Variants in EXOC7 observed in about 807,000 individuals in gnomAD.
EXOC7 encodes the protein exocyst complex component 7.
EXOC7 carries 51 observed loss-of-function variants against 87.6 expected under a neutral mutation model. The observed-to-expected ratio is 0.58, with a 90% confidence interval of 0.46 to 0.73. EXOC7 has a LOEUF of 0.73. Ranked by LOEUF, EXOC7 falls within the 30% of genes least tolerant of loss-of-function variation. The probability of loss-of-function intolerance (pLI) is 0.00; values close to 1 mark genes in which losing one functional copy is unlikely to be tolerated. For missense variants in EXOC7, 744 were observed against 888.4 expected, an observed-to-expected ratio of 0.84 and a Z score of 2.07; for synonymous variants, 327 against 357.1, an observed-to-expected ratio of 0.92 and a Z score of 0.95.
Position 76,085,594 on chromosome 17 carries a change from G to A in EXOC7, c.1616+83C>T, listed in dbSNP as rs549729409. On this transcript the variant is annotated intron_variant, in intron 14 of 18. Coordinates refer to ENST00000589210, the MANE Select transcript of EXOC7 (RefSeq NM_001013839.4). ...CCTCCCCTCTCGTCCACAAGAGAAGGAGCCCAGGGGGGCAGGGGCTGGCAC... is the reference window on the plus strand; with the variant it reads ...CCTCCCCTCTCGTCCACAAGAGAAGAAGCCCAGGGGGGCAGGGGCTGGCAC... 3 of 1,600,246 alleles carry A rather than the reference G, an allele frequency of 1.9e-6. No individual in the cohort carries two copies. The Admixed American group carries it at 5.1e-5, about 27-fold the overall frequency.
In EXOC7 at chr17:76,083,586, C is replaced by T; in HGVS notation, c.*62G>A. 1 of 1,544,196 alleles carries T rather than the reference C, an allele frequency of 6.5e-7. No homozygotes were observed. The highest frequency in any genetic ancestry group is 9.0e-7 in the Non-Finnish European group (1 of 1,117,186). On this transcript the variant is annotated 3_prime_UTR_variant, in exon 19 of 19. Transcript: ENST00000589210. Reference sequence around the variant, plus strand: ...CTCACCCAGCCCAGAGGCAAGCTAACACTGGTTTATCTGTCCAATGACACG... The same window carrying T: ...CTCACCCAGCCCAGAGGCAAGCTAATACTGGTTTATCTGTCCAATGACACG...
intron 4 of EXOC7, among the ~76,000 whole-genome samples, chr17:76,098,632 C>T (rs1053610242): frequency 4.0e-5 from 6 of 151,224 alleles, no homozygotes; most frequent in Admixed American, 6.6e-5. Context: ...GAGGCCGAGG[C>T]GGGCAGATCA....
chr17:76,083,578 C>G lies in EXOC7; in HGVS notation c.*70G>C. On this transcript the variant is annotated 3_prime_UTR_variant, in exon 19 of 19. Transcript: ENST00000589210. ...ACTTCAAGCTCACCCAGCCCAGAGGCAAGCTAACACTGGTTTATCTGTCCA... is the reference window on the plus strand; with the variant it reads ...ACTTCAAGCTCACCCAGCCCAGAGGGAAGCTAACACTGGTTTATCTGTCCA... 3.3e-6 allele frequency: 5 copies of G among 1,506,150 alleles called. No individual in the cohort carries two copies. Among genetic ancestry groups the G allele is most frequent in the Non-Finnish European group, 2.8e-6 (3 of 1,083,202 alleles). 93.3% of individuals were successfully genotyped at this position (1,506,150 alleles called of 1,614,324 possible).
rs1184585328 is a variant in EXOC7 at position 76,085,810 on chromosome 17, A to T, written c.1496-13T>A. 1.2e-6 allele frequency: 2 copies of T among 1,608,992 alleles called. No homozygotes were observed. Among genetic ancestry groups the T allele is most frequent in the South Asian group, 1.1e-5 (1 of 90,656 alleles). On this transcript the variant is annotated splice_polypyrimidine_tract_variant and intron_variant, in intron 13 of 18. Coordinates refer to ENST00000589210, the MANE Select transcript of EXOC7 (RefSeq NM_001013839.4). Reference sequence around the variant, plus strand: ...CCCAGCACTTTACCTGCACAGGGAAAAATGGGGCCACACCCACCATGGCAG... The same window carrying T: ...CCCAGCACTTTACCTGCACAGGGAATAATGGGGCCACACCCACCATGGCAG...
chr17:76,081,120 T>C lies in EXOC7; in HGVS notation c.*2528A>G. The C allele has an allele frequency of 1.0e-6, 1 of 990,350 alleles. No homozygotes were observed. Among genetic ancestry groups the C allele is most frequent in the Non-Finnish European group, 1.5e-6 (1 of 666,430 alleles). The allele number at this position is 990,350 out of a possible 1,614,324, so 61.3% of individuals were successfully genotyped here. On this transcript the variant is annotated 3_prime_UTR_variant, in exon 19 of 19. Transcript: ENST00000589210. Reference sequence around the variant, plus strand: ...CAATTTGGGATGTTGCAAAACAAGGTTTGGGAAGCCCTTCTATGGATCGGT... The same window carrying C: ...CAATTTGGGATGTTGCAAAACAAGGCTTGGGAAGCCCTTCTATGGATCGGT...
At chr17:76,086,644 G>A (rs1244428267) in intron 12 of EXOC7, among the ~76,000 whole-genome samples, 2 of 152,174 alleles carry the variant, frequency 1.3e-5, no homozygotes, top group Non-Finnish European at 2.9e-5. Context: ...CCTAGGGGGT[G>A]TATCCAGGGC....
intron 18 of EXOC7, 40 bp from the exon 19 acceptor site, chr17:76,083,790 C>T: frequency 6.3e-7 from 1 of 1,591,404 alleles, no homozygotes; most frequent in Non-Finnish European, 8.6e-7. Context: ...GAGGGCCGAC[C>T]CCTCCCCAGC....
At chr17:76,085,072 T>C in intron 15 of EXOC7, 2 of 557,116 alleles carry the variant, frequency 3.6e-6, no homozygotes, top group South Asian at 4.5e-5. Flanking sequence ...TCAATCATTC[T>C]TAGCCTTGAC....
rs865812145 is a variant in EXOC7, at chr17:76,089,216, G to C, written c.1006C>G (p.Pro336Ala). The C allele has an allele frequency of 6.2e-7, 1 of 1,613,906 alleles. No individual in the cohort carries two copies. Among genetic ancestry groups the C allele is most frequent in the African/African-American group, 1.3e-5 (1 of 74,914 alleles). ...AAGGTCTTCTTCTGGTGGTGCTCGG[G>C]GATGATGTCGGCCAGCAGCTGGTAC... ...SEYQLLADII[P>A]EHHQKKTFDS... Residue 336 changes from proline (P) to alanine (A), a missense_variant, in exon 8 of 19, where the codon CCC becomes GCC. Physicochemically the swap from Pro to Ala is conservative, Grantham distance 27. Around this residue, in one of 3 missense-constraint regions of EXOC7, gnomAD observed 512 missense variants for 573.0 expected, o/e 0.89. Coordinates refer to ENST00000589210, the MANE Select transcript of EXOC7 (RefSeq NM_001013839.4).
rs996179539 is a variant in EXOC7 at position 76,086,005 on chromosome 17, G to A, written c.1495+75C>T. 2.6e-6 allele frequency: 4 copies of A among 1,568,536 alleles called. No homozygotes were observed. In the African/African-American group the frequency reaches 4.0e-5, roughly 16 times the overall value. On this transcript the variant is annotated intron_variant, in intron 13 of 18. Transcript: ENST00000589210. ...GGAGAGGGCCCTGGGAATAGCCAGA[G>A]AGCACAGACAGAAGGAAGGGAAAGG...
At chr17:76,086,984 GCATGT>G in intron 12 of EXOC7, 1 of 1,163,324 alleles carries the variant, frequency 8.6e-7, no homozygotes. Context: ...GTTAGAAACG[GCATGT>G]CAACCCGAAT....
At chr17:76,089,664 C>T in intron 7 of EXOC7, 1 of 312,080 alleles carries the variant, frequency 3.2e-6, no homozygotes, top group South Asian at 3.9e-5. Flanking sequence ...ACTGAGCATT[C>T]TGAGTTGTAC....
intron 4 of EXOC7, among the ~76,000 whole-genome samples, chr17:76,100,425 G>A (rs1479085866): frequency 6.6e-6 from 1 of 151,428 alleles, no homozygotes; most frequent in Non-Finnish European, 1.5e-5. Flanking sequence ...TCAGAAGTTT[G>A]TGACCAAACT....
chr17:76,090,302 G>C, intron 7 of EXOC7: 1 of 1,547,796 alleles, frequency 6.5e-7, no homozygotes. Context: ...GTCAGCGGCT[G>C]CCCTCGGGCT....
At chr17:76,098,048 C>A in intron 4 of EXOC7, 30 bp from the exon 5 acceptor site, 1 of 1,597,908 alleles carries the variant, frequency 6.3e-7, no homozygotes, top group African/African-American at 1.3e-5. Context: ...AAGCAGGTGC[C>A]TGCTGCTTCA....
intron 7 of EXOC7, among the ~76,000 whole-genome samples, chr17:76,089,997 T>C (rs1008363827): frequency 2.0e-5 from 3 of 152,194 alleles, no homozygotes; most frequent in African/African-American, 2.4e-5. Flanking sequence ...TGCCAAGGGA[T>C]GGGCTCCGAG....
chr17:76,084,366 C>A (rs757412797), intron 16 of EXOC7, 77 bp from the exon 17 acceptor site: 5 of 1,601,460 alleles, frequency 3.1e-6, no homozygotes, highest in Non-Finnish European at 4.3e-6. Flanking sequence ...CCCAAACACC[C>A]TTGGTCTGGG....
intron 6 of EXOC7, chr17:76,092,298 T>G (rs991903151): frequency 1.2e-4 from 17 of 143,848 alleles, no homozygotes; most frequent in African/African-American, 4.4e-4. Flanking sequence ...CTTGTTTTTT[T>G]TTTTTTTTTT....
intron 4 of EXOC7, 52 bp from the exon 5 acceptor site, chr17:76,098,070 G>C (rs2067866158): frequency 6.6e-7 from 1 of 1,521,554 alleles, no homozygotes; most frequent in Non-Finnish European, 9.1e-7. Context: ...TGTTCTGCCA[G>C]TCCTGGCCTT....
Sources: gnomAD v4.1 joint callset for allele counts (sites outside exome capture counted in the v4.1 genomes callset) on GRCh38, gnomAD v4.1.1 for gene constraint, gnomAD v4.1.1 regional missense constraint, MANE v1.5 for transcripts, NCBI Gene and HGNC (gene_info 2026-07-23, HGNC 2026-07-21) for gene names.